FAM13A: variants seen among roughly 807,000 people sequenced by gnomAD.
FAM13A encodes the protein protein FAM13A.
Under a neutral mutation model 129.6 loss-of-function variants are expected in FAM13A, and 76 were observed. The ratio of observed to expected loss-of-function variants is 0.59; its 90% CI spans 0.49 to 0.71. FAM13A has a LOEUF of 0.71. Among genes scored for constraint, FAM13A ranks in the 30% least tolerant of loss-of-function variants. FAM13A has a pLI of 0.00. For missense variants in FAM13A, 1,108 were observed against 1,249.3 expected (o/e 0.89, Z 1.70); for synonymous variants, 443 against 449.9 (o/e 0.98, Z 0.20).
At chr4:89,022,617 A>G (rs984954513) in intron 2 of FAM13A, among the ~76,000 whole-genome samples, 1 of 152,206 alleles carries the variant, frequency 6.6e-6, no homozygotes, top group African/African-American at 2.4e-5. Context: ...CACACCCATT[A>G]TAATCCCCTC....
At chr4:88,937,215 A>G (rs1579369498) in intron 5 of FAM13A, 2 of 152,224 alleles carry the variant, frequency 1.3e-5, no homozygotes, top group East Asian at 3.9e-4. Context: ...CTTCAAAGTC[A>G]TGGCCTCAAC....
intron 7 of FAM13A, chr4:88,823,282 G>T (rs749782237): frequency 2.4e-6 from 3 of 1,241,104 alleles, no homozygotes; most frequent in Non-Finnish European, 3.0e-6. Flanking sequence ...TGAACCACCG[G>T]GCCAATCAGA....
At chr4:88,862,777 T>C (rs1467456226) in intron 6 of FAM13A, among the ~76,000 whole-genome samples, 1 of 152,102 alleles carries the variant, frequency 6.6e-6, no homozygotes, top group Non-Finnish European at 1.5e-5. Flanking sequence ...GAACCAGTTT[T>C]TTACGTGTAA....
Position 88,750,518 on chromosome 4 carries a change from G to C in FAM13A, c.1846C>G (p.Leu616Val). The change falls in exon 15 of 24, where the codon CTC becomes GTC. Residue 616 changes from leucine to valine, a missense_variant. Leu to Val is a conservative substitution (Grantham distance 32, BLOSUM62 1). Coordinates refer to ENST00000264344, the MANE Select transcript of FAM13A (RefSeq NM_014883.4). ...CCATAAGCGTAGAACCGAGGAGAGA[G>C]CATGGGGTCGCTGTCTTCGTCCAGC... is the stretch of plus-strand genomic sequence containing the variant. ...QLLDEDSDPM[L>V]SPRFYAYGQS... 1.9e-6 allele frequency: 3 copies of C among 1,614,150 alleles called. No individual in the cohort carries two copies. Among genetic ancestry groups the C allele is most frequent in the Non-Finnish European group, 2.5e-6 (3 of 1,180,012 alleles).
At chr4:88,803,264 A>G (rs1727874858) in intron 8 of FAM13A, among the ~76,000 whole-genome samples, 1 of 152,138 alleles carries the variant, frequency 6.6e-6, no homozygotes, top group Non-Finnish European at 1.5e-5. Flanking sequence ...CCTGCTGGTA[A>G]CTTCTCCTTT....
intron 7 of FAM13A, among the ~76,000 whole-genome samples, chr4:88,840,828 T>C (rs761976990): frequency 5.3e-5 from 8 of 152,212 alleles, no homozygotes; most frequent in Non-Finnish European, 1.0e-4. Flanking sequence ...AAATTAGTTT[T>C]TTGAAAAATT....
chr4:88,939,584 T>C (rs571319016), intron 4 of FAM13A, among the ~76,000 whole-genome samples: 4 of 152,192 alleles, frequency 2.6e-5, no homozygotes, highest in African/African-American at 2.4e-5. Flanking sequence ...CTAGACTATC[T>C]TGGGATACGC....
In FAM13A at chr4:89,029,454, A is replaced by G; in HGVS notation, c.217+6T>C. ...AATGAACAGACTAAAGCATGACTTA[A>G]CTCACCATGCTGCGTCAAATATTCC... On this transcript the variant is annotated splice_donor_region_variant and intron_variant, in intron 2 of 23. Coordinates refer to ENST00000264344, the MANE Select transcript of FAM13A (RefSeq NM_014883.4). 1 of 1,592,388 alleles carries G rather than the reference A, an allele frequency of 6.3e-7. No homozygotes were observed. The highest frequency in any genetic ancestry group is 8.5e-7 in the Non-Finnish European group (1 of 1,171,450).
At chr4:88,920,577 T>C (rs2148712475) in intron 5 of FAM13A, among the ~76,000 whole-genome samples, 1 of 151,910 alleles carries the variant, frequency 6.6e-6, no homozygotes, top group East Asian at 1.9e-4. Flanking sequence ...AGACCAAAAG[T>C]AGATAAAACC....
intron 19 of FAM13A, among the ~76,000 whole-genome samples, chr4:88,742,171 A>G (rs1740410241): frequency 6.6e-6 from 1 of 152,182 alleles, no homozygotes; most frequent in African/African-American, 2.4e-5. Context: ...TTTGGCAGAA[A>G]CATCTTTGGA....
chr4:88,980,071 AATG>A (rs1470550687), intron 4 of FAM13A, among the ~76,000 whole-genome samples: 1 of 152,246 alleles, frequency 6.6e-6, no homozygotes, highest in Non-Finnish European at 1.5e-5. Flanking sequence ...TGTCGTTAAA[AATG>A]ATGATGTAGA....
At chr4:88,731,204 A>G in intron 23 of FAM13A, 123 bp downstream of exon 23, 1 of 607,310 alleles carries the variant, frequency 1.6e-6, no homozygotes. Flanking sequence ...GGACCAGGTT[A>G]CAGGGAGGAT....
intron 3 of FAM13A, among the ~76,000 whole-genome samples, chr4:88,996,836 G>A (rs13148188): frequency 0.69 from 105,295 of 152,004 alleles, 36,569 homozygotes; most frequent in Middle Eastern, 0.8. Flanking sequence ...AACACCCTCC[G>A]TGCCTTGCAT....
At chr4:88,787,242 T>G (rs1365334094) in intron 10 of FAM13A, among the ~76,000 whole-genome samples, 2 of 152,274 alleles carry the variant, frequency 1.3e-5, no homozygotes, top group East Asian at 3.9e-4. Context: ...CAACTTAAGC[T>G]TTTCATTTTT....
chr4:88,963,320 C>T (rs1758893133), intron 4 of FAM13A, among the ~76,000 whole-genome samples: 1 of 146,428 alleles, frequency 6.8e-6, no homozygotes, highest in Admixed American at 6.9e-5. Context: ...TTTTTTGAGA[C>T]TGAGTTTCGC....
In FAM13A at chr4:88,947,826, G is replaced by A. The variant is rs111819871; in HGVS notation, c.606-9585C>T. The stretch of plus-strand genomic sequence containing the variant: ...ATTTGTTACAATTTTGTGTTTTGAT[G>A]AGTAAAGTTGAAAGTCATAGATAGA... On this transcript the variant is annotated intron_variant, in intron 4 of 23. Transcript: ENST00000264344. 4.3e-3 allele frequency among the ~76,000 whole-genome samples: 636 copies of A among 148,262 alleles called. 6 individuals are homozygous for A. Among genetic ancestry groups the A allele is most frequent in the African/African-American group, 0.015 (614 of 41,400 alleles).
At chr4:88,851,332 T>A in intron 6 of FAM13A, 149 bp from the exon 7 acceptor site, 2 of 645,642 alleles carry the variant, frequency 3.1e-6, no homozygotes, top group Non-Finnish European at 5.1e-6. Context: ...AAATTAAATT[T>A]AAACTACATA....
At chr4:88,850,888 T>G (rs1314274937) in intron 7 of FAM13A, 132 bp downstream of exon 7, 5 of 705,500 alleles carry the variant, frequency 7.1e-6, no homozygotes, top group Non-Finnish European at 1.1e-5. Flanking sequence ...AGAGTGAATT[T>G]TAAGTATCTT....
chr4:88,782,256 C>CCTATAATAGG, intron 10 of FAM13A, among the ~76,000 whole-genome samples: 1 of 151,688 alleles, frequency 6.6e-6, no homozygotes, highest in Middle Eastern at 3.4e-3. Context: ...CTTAAGCATT[C>CCTATAATAGG]CTATAATAGG....
Sources: gnomAD v4.1 joint callset for allele counts (sites outside exome capture counted in the v4.1 genomes callset) on GRCh38, gnomAD v4.1.1 for gene constraint, MANE v1.5 for transcripts, NCBI Gene and HGNC (gene_info 2026-07-23, HGNC 2026-07-21) for gene names.